The following ZNF254 variants were observed in gnomAD, a reference collection of about 807,000 sequenced individuals.
ZNF254 encodes the protein zinc finger protein 254, also known as CTD-2017D11.1.
In ZNF254, 10 loss-of-function variants were observed where a neutral mutation model predicts 12.4. The observed-to-expected ratio is 0.80, with a 90% CI of 0.50 to 1.36. The LOEUF is 1.36. Among genes scored for constraint, ZNF254 ranks in the 40% most tolerant of loss-of-function variants. The pLI is 0.00. For synonymous variants in ZNF254, 305 were observed against 253.4 expected (o/e 1.20, Z -1.93); for missense variants, 996 against 763.9 (o/e 1.30, Z -3.58).
chr19:24,069,138 C>CT (rs953481888), intron 2 of ZNF254, among the ~76,000 whole-genome samples: 1 of 151,982 alleles, frequency 6.6e-6, no homozygotes, highest in Non-Finnish European at 1.5e-5. Flanking sequence ...TCCCGAGTAG[C>CT]TGGGACTACA....
chr19:24,068,802 T>C (rs1372388569), intron 2 of ZNF254, among the ~76,000 whole-genome samples: 2 of 152,188 alleles, frequency 1.3e-5, no homozygotes. Context: ...CAGCTTGCAA[T>C]TGCTATGATG....
intron 1 of ZNF254, among the ~76,000 whole-genome samples, chr19:24,036,391 C>G (rs1969969965): frequency 2.6e-5 from 4 of 152,066 alleles, no homozygotes; most frequent in African/African-American, 9.7e-5. Flanking sequence ...CTGTGAGTAG[C>G]TGTATCATTA....
intron 1 of ZNF254, among the ~76,000 whole-genome samples, chr19:24,035,102 C>T (rs934397930): frequency 2.0e-5 from 3 of 152,148 alleles, no homozygotes; most frequent in Non-Finnish European, 1.5e-5. Context: ...AGGGATAGAA[C>T]ATGGTGAAAG....
chr19:24,128,861 T>C lies in ZNF254; in HGVS notation c.*881T>C, dbSNP rs1599782180. 2.0e-5 allele frequency: 3 copies of C among 152,142 alleles called. No homozygotes were observed. Among genetic ancestry groups the C allele is most frequent in the African/African-American group, 7.2e-5 (3 of 41,562 alleles). 9.4% of individuals were successfully genotyped at this position (152,142 alleles called of 1,614,324 possible). On this transcript the variant is annotated 3_prime_UTR_variant, in exon 4 of 4. Coordinates refer to ENST00000357002, the MANE Select transcript of ZNF254 (RefSeq NM_203282.4). Reference sequence around the variant, plus strand: ...ATAACTTTAAAAATAGAATATTTTTTGGAGGGTTATAATTACATTCAAAGT... The same window carrying C: ...ATAACTTTAAAAATAGAATATTTTTCGGAGGGTTATAATTACATTCAAAGT...
chr19:24,092,800 A>T (rs1972470374), intron 1 of ZNF254, among the ~76,000 whole-genome samples: 1 of 152,230 alleles, frequency 6.6e-6, no homozygotes. Flanking sequence ...TGACAGAATA[A>T]TTTATATTTC....
intron 1 of ZNF254, among the ~76,000 whole-genome samples, chr19:24,042,880 G>C (rs1970231234): frequency 6.6e-6 from 1 of 152,172 alleles, no homozygotes; most frequent in Non-Finnish European, 1.5e-5. Flanking sequence ...GGTGTTTTCT[G>C]CCAAGTTTCT....
At chr19:24,058,056 C>T (rs1970927065) in intron 2 of ZNF254, among the ~76,000 whole-genome samples, 1 of 152,208 alleles carries the variant, frequency 6.6e-6, no homozygotes, top group African/African-American at 2.4e-5. Flanking sequence ...ATTCTCCTGC[C>T]TTGGTGCTAC....
At chr19:24,107,581 ACT>A (rs750132659) in intron 3 of ZNF254, among the ~76,000 whole-genome samples, 5 of 151,998 alleles carry the variant, frequency 3.3e-5, no homozygotes, top group African/African-American at 9.7e-5. Context: ...GTTTTAATGT[ACT>A]CTCTCTATAT....
At chr19:24,063,985 C>T (rs1478610613) in intron 2 of ZNF254, 1 of 152,158 alleles carries the variant, frequency 6.6e-6, no homozygotes, top group Non-Finnish European at 1.5e-5. Context: ...TCCTCTTCTG[C>T]CTGGGCCATG....
intron 1 of ZNF254, among the ~76,000 whole-genome samples, chr19:24,042,490 C>T (rs563107232): frequency 1.3e-5 from 2 of 152,276 alleles, no homozygotes; most frequent in South Asian, 2.1e-4. Context: ...CTTTTAAGAG[C>T]TGTAACACTC....
chr19:24,091,583 C>A (rs1033913954), intron 1 of ZNF254, among the ~76,000 whole-genome samples: 27 of 152,070 alleles, frequency 1.8e-4, no homozygotes, highest in African/African-American at 6.3e-4. Context: ...ACCTCCAATT[C>A]CCAGGTTCAA....
chr19:24,113,299 T>A (rs55793009), intron 3 of ZNF254, among the ~76,000 whole-genome samples: 6 of 152,102 alleles, frequency 3.9e-5, no homozygotes, highest in African/African-American at 4.8e-5. Flanking sequence ...ACTGGCAAAC[T>A]GAATCCAGCA....
At chr19:24,047,994 T>C (rs1970465155) in intron 2 of ZNF254, among the ~76,000 whole-genome samples, 2 of 137,734 alleles carry the variant, frequency 1.5e-5, no homozygotes, top group Non-Finnish European at 3.1e-5. Context: ...GCTCTTTTTT[T>C]CTTTTCTTCT....
At position 24,092,971 on chromosome 19, in the gene ZNF254, A is replaced by AT. The variant is rs1279847132; in HGVS notation, c.30+5641dup. Among the ~76,000 whole-genome samples, 6 of 151,664 alleles carry AT rather than the reference A, an allele frequency of 4.0e-5. No individual in the cohort carries two copies. The East Asian group carries it at 5.8e-4, about 15-fold the overall frequency. ...TTTCTCTGCAACCTTGACATCATCT[A>AT]TTTTTTTGCTTTTTAATAGCCGTTC... On this transcript the variant is annotated intron_variant, in intron 1 of 3. Coordinates refer to ENST00000357002, the MANE Select transcript of ZNF254 (RefSeq NM_203282.4).
chr19:24,120,263 C>T (rs1395334631), intron 3 of ZNF254, among the ~76,000 whole-genome samples: 1 of 152,108 alleles, frequency 6.6e-6, no homozygotes, highest in African/African-American at 2.4e-5. Context: ...TACTGCATCC[C>T]TCCCACAACA....
chr19:24,053,731 T>A (rs1380823661), intron 2 of ZNF254, among the ~76,000 whole-genome samples: 1 of 152,182 alleles, frequency 6.6e-6, no homozygotes, highest in Non-Finnish European at 1.5e-5. Flanking sequence ...GATGTGAATC[T>A]CCTGCATGGG....
intron 3 of ZNF254, among the ~76,000 whole-genome samples, chr19:24,117,475 T>G (rs1240870659): frequency 1.3e-5 from 2 of 152,174 alleles, no homozygotes; most frequent in African/African-American, 4.8e-5. Context: ...AGCGAGACTC[T>G]GTGGGCGTAG....
rs995123950 is a variant in ZNF254, at chr19:24,129,014, G to T, written c.*1034G>T. 2.0e-5 allele frequency: 3 copies of T among 151,864 alleles called. No individual in the cohort carries two copies. Among genetic ancestry groups the T allele is most frequent in the Non-Finnish European group, 2.9e-5 (2 of 67,882 alleles). The allele number at this position is 151,864 out of a possible 1,614,324, so 9.4% of individuals were successfully genotyped here. A position where few individuals can be genotyped will look rare whatever the true frequency, so the allele number is the denominator to read the frequency against. On this transcript the variant is annotated 3_prime_UTR_variant, in exon 4 of 4. Transcript: ENST00000357002. ...TGTGACTAATTGTTGCTGCATAAAA[G>T]ATATGAGATTCTTTTTTATTAGGCA... is the stretch of plus-strand genomic sequence containing the variant.
Position 24,129,337 on chromosome 19 carries a change from T to TA in ZNF254, c.*1360dup, listed in dbSNP as rs1340245850. The TA allele has an allele frequency of 6.6e-6, 1 of 152,052 alleles. No individual in the cohort carries two copies. The highest frequency in any genetic ancestry group is 1.9e-4 in the East Asian group (1 of 5,198). The allele number at this position is 152,052 out of a possible 1,614,324, so 9.4% of individuals were successfully genotyped here. The stretch of plus-strand genomic sequence containing the variant: ...TTTCAATTCAACATTTTTAACATAT[T>TA]AAATACTATTGTGAATTCAATGAAG... On this transcript the variant is annotated 3_prime_UTR_variant, in exon 4 of 4. Transcript: ENST00000357002.
Sources: allele counts gnomAD v4.1 joint callset (sites outside exome capture counted in the v4.1 genomes callset), GRCh38; gene constraint gnomAD v4.1.1; transcripts MANE v1.5; gene names NCBI Gene and HGNC (gene_info 2026-07-23, HGNC 2026-07-21).